KLHL32: variants seen among roughly 807,000 people sequenced by gnomAD.
The protein encoded by KLHL32 is kelch-like protein 32.
A neutral mutation model predicts 64.8 loss-of-function variants in KLHL32; 35 were observed. That is an observed-to-expected ratio of 0.54 (90% CI 0.41 to 0.72). The LOEUF (loss-of-function observed/expected upper bound fraction) is 0.72, where lower values mean the gene tolerates loss of function less well. Among genes scored for constraint, KLHL32 ranks in the 30% least tolerant of loss-of-function variants. KLHL32 has a pLI of 0.00. For missense variants in KLHL32, 589 were observed against 768.5 expected (o/e 0.77, Z 2.76); for synonymous variants, 259 against 281.0 (o/e 0.92, Z 0.78).
intron 6 of KLHL32, among the ~76,000 whole-genome samples, chr6:97,097,486 G>A (rs1562333439): frequency 1.3e-5 from 2 of 152,222 alleles, no homozygotes; most frequent in South Asian, 2.1e-4. Context: ...GATATTGCAC[G>A]GATATAGTTT....
intron 6 of KLHL32, among the ~76,000 whole-genome samples, chr6:97,104,676 G>T (rs752610937): frequency 6.6e-6 from 1 of 152,094 alleles, no homozygotes; most frequent in African/African-American, 2.4e-5. Context: ...TGGTTAATGT[G>T]CAATCTCCCT....
At chr6:97,040,615 G>A (rs996702735) in intron 3 of KLHL32, among the ~76,000 whole-genome samples, 4 of 152,108 alleles carry the variant, frequency 2.6e-5, no homozygotes, top group Non-Finnish European at 4.4e-5. Flanking sequence ...GATGTCGCTG[G>A]TCCAAGGGCT....
At chr6:96,999,578 C>G (rs1026453422) in intron 3 of KLHL32, 3 of 947,800 alleles carry the variant, frequency 3.2e-6, no homozygotes, top group Non-Finnish European at 3.8e-6. Flanking sequence ...ACCATTTTTT[C>G]CCTGCTATTT....
chr6:96,958,907 G>C (rs562018673), intron 1 of KLHL32, among the ~76,000 whole-genome samples: 3 of 152,164 alleles, frequency 2.0e-5, no homozygotes, highest in Non-Finnish European at 4.4e-5. Flanking sequence ...AGTGTTGGGA[G>C]GTGATGGTGC....
chr6:97,001,784 A>T (rs1351260544), intron 3 of KLHL32, among the ~76,000 whole-genome samples: 1 of 152,252 alleles, frequency 6.6e-6, no homozygotes, highest in African/African-American at 2.4e-5. Flanking sequence ...TTCTAAGATA[A>T]TGAAAGCAGA....
chr6:97,093,082 T>C (rs1794496073), intron 6 of KLHL32, among the ~76,000 whole-genome samples: 1 of 152,228 alleles, frequency 6.6e-6, no homozygotes, highest in Non-Finnish European at 1.5e-5. Flanking sequence ...ACTGATATTT[T>C]TGTTGTTGCT....
chr6:96,934,292 A>G (rs1770300838), intron 1 of KLHL32, among the ~76,000 whole-genome samples: 1 of 152,210 alleles, frequency 6.6e-6, no homozygotes, highest in South Asian at 2.1e-4. Context: ...TTTGTGTATT[A>G]AGAAACTCCC....
At chr6:97,024,800 T>C (rs540803409) in intron 3 of KLHL32, among the ~76,000 whole-genome samples, 1 of 152,306 alleles carries the variant, frequency 6.6e-6, no homozygotes, top group African/African-American at 2.4e-5. Context: ...TTTAAAGTAA[T>C]AATAATAGCT....
chr6:97,047,305 G>C (rs1470360648), intron 4 of KLHL32, among the ~76,000 whole-genome samples: 2 of 152,202 alleles, frequency 1.3e-5, no homozygotes, highest in Non-Finnish European at 2.9e-5. Context: ...CTGTGTTTGG[G>C]ACACTGCTTG....
At chr6:97,076,512 G>A (rs1395811008) in intron 5 of KLHL32, among the ~76,000 whole-genome samples, 1 of 152,160 alleles carries the variant, frequency 6.6e-6, no homozygotes, top group Non-Finnish European at 1.5e-5. Flanking sequence ...CCATCCAGAT[G>A]GGTCAGCTCC....
At chr6:97,127,664 G>T (rs950273560) in intron 8 of KLHL32, among the ~76,000 whole-genome samples, 5 of 152,090 alleles carry the variant, frequency 3.3e-5, no homozygotes, top group African/African-American at 1.2e-4. Flanking sequence ...CTCTAGTTTT[G>T]TGCTATACAG....
chr6:96,975,701 G>A (rs926472630), intron 2 of KLHL32, among the ~76,000 whole-genome samples: 5 of 152,152 alleles, frequency 3.3e-5, no homozygotes, highest in Non-Finnish European at 7.3e-5. Flanking sequence ...ACAGAGGCTT[G>A]CAGGTCCAGA....
intron 2 of KLHL32, among the ~76,000 whole-genome samples, chr6:96,972,278 C>T (rs1775197397): frequency 6.6e-6 from 1 of 152,038 alleles, no homozygotes; most frequent in African/African-American, 2.4e-5. Context: ...TTCATATTGT[C>T]TTTGACATTC....
At chr6:96,987,894 A>C (rs181947814) in intron 3 of KLHL32, among the ~76,000 whole-genome samples, 10,012 of 152,136 alleles carry the variant, frequency 0.066, 240 homozygotes, top group South Asian at 0.12. Flanking sequence ...AAAACTGGCT[A>C]GCCATATGTA....
intron 1 of KLHL32, among the ~76,000 whole-genome samples, chr6:96,937,508 G>A (rs1299195273): frequency 2.0e-5 from 3 of 152,166 alleles, no homozygotes; most frequent in African/African-American, 7.2e-5. Context: ...GTGTCTGTCG[G>A]GCAACAATCC....
chr6:97,101,268 C>T (rs926994730), intron 6 of KLHL32, among the ~76,000 whole-genome samples: 1 of 152,032 alleles, frequency 6.6e-6, no homozygotes, highest in Non-Finnish European at 1.5e-5. Context: ...AAAGATGATT[C>T]GTGTGCGTTT....
rs1051565803 is a variant in KLHL32 at position 97,140,122 on chromosome 6, ATGT to A, written c.*844_*846del. ...AAATTACTAGATAGAATTTGGAAAC[ATGT>A]TGTGGAATAAATGATTCTAAAAAGC... On this transcript the variant is annotated 3_prime_UTR_variant, in exon 11 of 11. Coordinates refer to ENST00000369261, the MANE Select transcript of KLHL32 (RefSeq NM_052904.4). 2 of 152,142 alleles carry A rather than the reference ATGT, an allele frequency of 1.3e-5. No individual in the cohort carries two copies. The highest frequency in any genetic ancestry group is 2.4e-5 in the African/African-American group (1 of 41,466). The allele number at this position is 152,142 out of a possible 1,614,324, so 9.4% of individuals were successfully genotyped here.
intron 4 of KLHL32, among the ~76,000 whole-genome samples, chr6:97,045,979 AAAAG>A (rs774346225): frequency 1.4e-4 from 22 of 152,204 alleles, no homozygotes; most frequent in Non-Finnish European, 2.9e-4. Flanking sequence ...AGTGCCTTTA[AAAAG>A]AAAGAAAGAA....
At chr6:97,052,140 A>T (rs1251645116) in intron 4 of KLHL32, among the ~76,000 whole-genome samples, 1 of 152,242 alleles carries the variant, frequency 6.6e-6, no homozygotes, top group Non-Finnish European at 1.5e-5. Context: ...TTTGTGTTTA[A>T]AATCCTTTAT....
Sources: gnomAD v4.1 joint callset for allele counts (sites outside exome capture counted in the v4.1 genomes callset) on GRCh38, gnomAD v4.1.1 for gene constraint, MANE v1.5 for transcripts, NCBI Gene and HGNC (gene_info 2026-07-23, HGNC 2026-07-21) for gene names.